The following FAM3B variants were observed in gnomAD, a reference collection of about 807,000 sequenced individuals.
The protein encoded by FAM3B is FAM3 metabolism regulating signaling molecule B, also known as protein FAM3B.
In FAM3B, 29 loss-of-function variants were observed where a neutral mutation model predicts 28.4. The observed-to-expected ratio is 1.02, with a 90% CI of 0.76 to 1.39. The LOEUF is 1.39. Among genes scored for constraint, FAM3B ranks in the 40% most tolerant of loss-of-function variants. The pLI, the probability that FAM3B is intolerant of heterozygous loss-of-function variation, is 0.00. For synonymous variants in FAM3B, 91 were observed against 103.0 expected (o/e 0.88, Z 0.71); for missense variants, 266 against 293.9 (o/e 0.91, Z 0.69).
chr21:41,349,448 G>A (rs534642359), intron 7 of FAM3B, among the ~76,000 whole-genome samples: 8 of 152,250 alleles, frequency 5.3e-5, no homozygotes, highest in Admixed American at 2.6e-4. Context: ...ACCAAGGCGC[G>A]AGACTTCCCC....
intron 2 of FAM3B, among the ~76,000 whole-genome samples, chr21:41,337,964 A>G (rs2088971028): frequency 6.6e-6 from 1 of 151,864 alleles, no homozygotes; most frequent in South Asian, 2.1e-4. Flanking sequence ...TAGGGTGTCT[A>G]AGGCTGTGTA....
chr21:41,357,206 G>C lies in FAM3B; in HGVS notation c.*9G>C, dbSNP rs768543977. 1.9e-6 allele frequency: 3 copies of C among 1,597,598 alleles called. No individual in the cohort carries two copies. Among genetic ancestry groups the C allele is most frequent in the South Asian group, 2.2e-5 (2 of 89,684 alleles). On this transcript the variant is annotated 3_prime_UTR_variant, in exon 8 of 8. Coordinates refer to ENST00000357985, the MANE Select transcript of FAM3B (RefSeq NM_058186.4). Reference sequence around the variant, plus strand: ...CCAAAGAACGAAGCTGACACTGCAGGGTCCTGAGTAAATGTGTTCTGTATA... The same window carrying C: ...CCAAAGAACGAAGCTGACACTGCAGCGTCCTGAGTAAATGTGTTCTGTATA...
At chr21:41,332,783 T>A (rs952372595) in intron 2 of FAM3B, among the ~76,000 whole-genome samples, 2 of 152,220 alleles carry the variant, frequency 1.3e-5, no homozygotes, top group African/African-American at 4.8e-5. Context: ...GTATCAGCGG[T>A]GATATCTGCT....
chr21:41,345,953 G>T, intron 5 of FAM3B: 2 of 411,290 alleles, frequency 4.9e-6, no homozygotes, highest in Non-Finnish European at 8.7e-6. Context: ...CTTTTCTTCT[G>T]TTAGTTTTCC....
chr21:41,354,189 G>A (rs148823054), intron 7 of FAM3B, among the ~76,000 whole-genome samples: 1 of 151,870 alleles, frequency 6.6e-6, no homozygotes, highest in East Asian at 1.9e-4. Flanking sequence ...ACTGCTGGTG[G>A]AAGTGTAAAT....
chr21:41,337,960 G>A (rs1328370854), intron 2 of FAM3B, among the ~76,000 whole-genome samples: 2 of 151,996 alleles, frequency 1.3e-5, no homozygotes, highest in African/African-American at 4.8e-5. Flanking sequence ...TGTTTAGGGT[G>A]TCTAAGGCTG....
At chr21:41,322,621 T>C (rs2088817000) in intron 1 of FAM3B, 1 of 717,666 alleles carries the variant, frequency 1.4e-6, no homozygotes, top group South Asian at 1.5e-5. Flanking sequence ...ACAAGGTGCT[T>C]GATTAGCTGC....
At chr21:41,323,368 G>A (rs572954392) in intron 2 of FAM3B, among the ~76,000 whole-genome samples, 1 of 152,328 alleles carries the variant, frequency 6.6e-6, no homozygotes, top group East Asian at 1.9e-4. Context: ...AAGCACAGGA[G>A]GGTCCAGGTT....
At chr21:41,351,489 TTGGTGAGGTCTGGAC>T (rs1018149851) in intron 7 of FAM3B, among the ~76,000 whole-genome samples, 6 of 152,140 alleles carry the variant, frequency 3.9e-5, no homozygotes, top group African/African-American at 1.2e-4. Context: ...TGCTCAAATG[TTGGTGAGGTCTGGAC>T]TGGTAGCCAG....
intron 6 of FAM3B, among the ~76,000 whole-genome samples, chr21:41,347,350 T>C (rs1438017465): frequency 6.6e-6 from 1 of 152,164 alleles, no homozygotes; most frequent in African/African-American, 2.4e-5. Flanking sequence ...ACAAAGCCAC[T>C]GTTGACCATA....
chr21:41,340,293 A>T (rs1274839809), intron 3 of FAM3B, among the ~76,000 whole-genome samples: 1 of 151,790 alleles, frequency 6.6e-6, no homozygotes, highest in Non-Finnish European at 1.5e-5. Flanking sequence ...AGCTGAGGCT[A>T]CAGGCGCACA....
At chr21:41,321,815 T>G (rs2088809145) in intron 1 of FAM3B, among the ~76,000 whole-genome samples, 1 of 152,140 alleles carries the variant, frequency 6.6e-6, no homozygotes, top group Non-Finnish European at 1.5e-5. Context: ...GATCTCTAGG[T>G]GCTGGAAGTC....
At chr21:41,342,252 G>A (rs2089013054) in intron 3 of FAM3B, among the ~76,000 whole-genome samples, 1 of 152,134 alleles carries the variant, frequency 6.6e-6, no homozygotes, top group Non-Finnish European at 1.5e-5. Flanking sequence ...ACTGCCCATT[G>A]CCCTCGTCCC....
Position 41,357,088 on chromosome 21 carries a change from C to T in FAM3B, c.619-20C>T, listed in dbSNP as rs1232683626. 6.4e-6 allele frequency: 10 copies of T among 1,558,686 alleles called. No individual in the cohort carries two copies. The highest frequency in any genetic ancestry group is 1.2e-5 in the South Asian group (1 of 84,902). ...TTATTAGATTAATGAATAAATAAAA[C>T]TCTTCTTTTCTCTACACAGATCAAC... On this transcript the variant is annotated intron_variant, in intron 7 of 7. Coordinates refer to ENST00000357985, the MANE Select transcript of FAM3B (RefSeq NM_058186.4).
At chr21:41,337,938 G>T (rs1475479720) in intron 2 of FAM3B, among the ~76,000 whole-genome samples, 1 of 152,010 alleles carries the variant, frequency 6.6e-6, no homozygotes, top group African/African-American at 2.4e-5. Flanking sequence ...GGCATGTTGT[G>T]TGATGTGTGT....
At chr21:41,331,739 C>T (rs374489290) in intron 2 of FAM3B, among the ~76,000 whole-genome samples, 1 of 152,134 alleles carries the variant, frequency 6.6e-6, no homozygotes, top group East Asian at 1.9e-4. Flanking sequence ...TAACTGTGAG[C>T]TTTTCATATG....
chr21:41,306,194 G>T (rs1275696548), intron 1 of FAM3B, among the ~76,000 whole-genome samples: 1 of 152,164 alleles, frequency 6.6e-6, no homozygotes, highest in Non-Finnish European at 1.5e-5. Context: ...CTTAATGCTA[G>T]TTCTCTTATT....
At chr21:41,344,986 C>G (rs1349998114) in intron 4 of FAM3B, among the ~76,000 whole-genome samples, 1 of 152,228 alleles carries the variant, frequency 6.6e-6, no homozygotes, top group African/African-American at 2.4e-5. Flanking sequence ...GAATAAAGCT[C>G]TCTCACAGTT....
chr21:41,337,380 C>T (rs370351214), intron 2 of FAM3B, among the ~76,000 whole-genome samples: 1 of 152,140 alleles, frequency 6.6e-6, no homozygotes, highest in African/African-American at 2.4e-5. Context: ...TGTGTGGGGG[C>T]TGTGGGGGCA....
Sources: gnomAD v4.1 joint callset for allele counts (sites outside exome capture counted in the v4.1 genomes callset) on GRCh38, gnomAD v4.1.1 for gene constraint, MANE v1.5 for transcripts, NCBI Gene and HGNC (gene_info 2026-07-23, HGNC 2026-07-21) for gene names.